The following FAM47E variants were observed in gnomAD, a reference collection of about 807,000 sequenced individuals.
FAM47E encodes protein FAM47E.
FAM47E carries 32 observed loss-of-function variants against 41.6 expected under a neutral mutation model. That is an observed-to-expected ratio of 0.77 (90% CI 0.58 to 1.03). The LOEUF (loss-of-function observed/expected upper bound fraction) is 1.03, where lower values mean the gene tolerates loss of function less well. FAM47E is among the 50% of genes least tolerant of loss of function. The pLI is 0.00. For synonymous variants in FAM47E, 184 were observed against 188.7 expected, an observed-to-expected ratio of 0.98 and a Z score of 0.20; for missense variants, 424 against 485.4, an observed-to-expected ratio of 0.87 and a Z score of 1.19.
At chr4:76,227,699 G>T (rs1047686917) in intron 2 of FAM47E, among the ~76,000 whole-genome samples, 2 of 151,960 alleles carry the variant, frequency 1.3e-5, no homozygotes, top group African/African-American at 4.8e-5. Context: ...TATAAATTTG[G>T]GAGCTCCAGT....
At chr4:76,251,897 G>A (rs1434462019) in intron 1 of FAM47E, 77 bp downstream of exon 1, 1 of 1,352,042 alleles carries the variant, frequency 7.4e-7, no homozygotes, top group Non-Finnish European at 9.4e-7. Flanking sequence ...GCGCTTGCTG[G>A]GGCGGGGGCG....
At position 76,283,565 on chromosome 4, in the gene FAM47E, G is replaced by C; in HGVS notation, c.*107G>C. ...AGTTTATGATGAGTGTCCCACTGTG[G>C]ATGTTCAACTTTGACTTGGCAACAT... On this transcript the variant is annotated 3_prime_UTR_variant, in exon 8 of 8. Transcript: ENST00000424749. 1.5e-6 allele frequency: 1 copy of C among 675,894 alleles called. No individual in the cohort carries two copies. The highest frequency in any genetic ancestry group is 2.6e-6 in the Non-Finnish European group (1 of 390,686). 41.9% of individuals were successfully genotyped at this position (675,894 alleles called of 1,614,324 possible).
chr4:76,249,604 TC>T (rs1421264950), upstream of FAM47E, among the ~76,000 whole-genome samples: 2 of 152,068 alleles, frequency 1.3e-5, no homozygotes, highest in East Asian at 1.9e-4. Flanking sequence ...GAGTAAGTTC[TC>T]CAGTGGCAAT....
chr4:76,271,517 A>C, intron 4 of FAM47E, 51 bp from the exon 5 acceptor site: 2 of 1,542,864 alleles, frequency 1.3e-6, no homozygotes, highest in South Asian at 2.4e-5. Context: ...GAAGAAAGCA[A>C]AGAGCATTTC....
chr4:76,226,622 A>G (rs549412216), intron 2 of FAM47E, among the ~76,000 whole-genome samples: 2 of 152,256 alleles, frequency 1.3e-5, no homozygotes, highest in Admixed American at 1.3e-4. Context: ...GACCCAGGAC[A>G]TGTTCCAAGA....
intron 6 of FAM47E, 177 bp downstream of exon 6, chr4:76,278,401 G>A (rs1040864138): frequency 6.1e-5 from 38 of 618,526 alleles, no homozygotes; most frequent in Non-Finnish European, 8.6e-5. Context: ...TGTGTAATAA[G>A]CAAGACTTGG....
intron 2 of FAM47E, among the ~76,000 whole-genome samples, chr4:76,227,130 G>A (rs183205291): frequency 6.6e-5 from 10 of 152,152 alleles, no homozygotes; most frequent in Non-Finnish European, 1.5e-4. Context: ...GTGTCTATTT[G>A]TGCTCTTTCA....
chr4:76,274,290 G>T (rs1735009766), intron 5 of FAM47E, among the ~76,000 whole-genome samples: 1 of 152,182 alleles, frequency 6.6e-6, no homozygotes, highest in Admixed American at 6.5e-5. Context: ...GATTTGTTGG[G>T]GTTGGGTGTG....
chr4:76,257,190 CT>C (rs1734229461), intron 2 of FAM47E, among the ~76,000 whole-genome samples: 1 of 152,122 alleles, frequency 6.6e-6, no homozygotes, highest in African/African-American at 2.4e-5. Flanking sequence ...CTGACTCTGT[CT>C]TTTAATTAGG....
At chr4:76,220,239 C>T (rs1288386807) in intron 2 of FAM47E, among the ~76,000 whole-genome samples, 1 of 152,114 alleles carries the variant, frequency 6.6e-6, no homozygotes, top group Admixed American at 6.5e-5. Context: ...TCACAATAGT[C>T]AAAAGGTGGA....
intron 2 of FAM47E, among the ~76,000 whole-genome samples, chr4:76,245,899 G>T (rs1733816379): frequency 6.6e-6 from 1 of 152,140 alleles, no homozygotes; most frequent in South Asian, 2.1e-4. Context: ...CTGAGGGCAG[G>T]AACCTTGTCA....
At chr4:76,214,439 TGGG>T (rs1733160327) in intron 1 of FAM47E, 1 of 395,680 alleles carries the variant, frequency 2.5e-6, no homozygotes, top group Non-Finnish European at 5.1e-6. Context: ...GCAAAGGCAT[TGGG>T]GGTGAAAGAG....
intron 2 of FAM47E, among the ~76,000 whole-genome samples, chr4:76,231,527 AAAACAAAC>A (rs58077932): frequency 6.6e-6 from 1 of 151,780 alleles, no homozygotes; most frequent in Admixed American, 6.6e-5. Context: ...ATTTTTGTTA[AAAACAAAC>A]AAACAAACAA....
chr4:76,265,673 C>A (rs1203544528), intron 3 of FAM47E, among the ~76,000 whole-genome samples: 1 of 151,962 alleles, frequency 6.6e-6, no homozygotes, highest in East Asian at 1.9e-4. Flanking sequence ...CAGGTTGAGG[C>A]CCCTAGATTG....
intron 7 of FAM47E, chr4:76,282,333 G>T (rs1307516823): frequency 6.6e-6 from 1 of 152,120 alleles, no homozygotes; most frequent in Admixed American, 6.6e-5. Context: ...GTGGCAAGAT[G>T]AGGGCATTTA....
At chr4:76,228,090 C>CT (rs71659315) in intron 2 of FAM47E, among the ~76,000 whole-genome samples, 88,557 of 150,090 alleles carry the variant, frequency 0.59, 27,647 homozygotes, top group Non-Finnish European at 0.71. Context: ...GCCTGAATAC[C>CT]TTTTTTTTTC....
intron 2 of FAM47E, among the ~76,000 whole-genome samples, chr4:76,225,691 A>T (rs533558794): frequency 2.6e-5 from 4 of 152,342 alleles, no homozygotes; most frequent in Non-Finnish European, 5.9e-5. Context: ...TATCACACTT[A>T]TTGACTTGCG....
chr4:76,233,602 A>G (rs949357351), intron 2 of FAM47E, among the ~76,000 whole-genome samples: 1 of 151,954 alleles, frequency 6.6e-6, no homozygotes, highest in African/African-American at 2.4e-5. Context: ...ACACACACAC[A>G]CATATGTAAC....
At chr4:76,256,008 T>C (rs1353894670) in intron 1 of FAM47E, among the ~76,000 whole-genome samples, 170 bp from the exon 2 acceptor site, 1 of 152,068 alleles carries the variant, frequency 6.6e-6, no homozygotes. Flanking sequence ...TGCTATGAAC[T>C]AGGAATATGA....
Sources: gnomAD v4.1 joint callset for allele counts (sites outside exome capture counted in the v4.1 genomes callset) on GRCh38, gnomAD v4.1.1 for gene constraint, MANE v1.5 for transcripts, NCBI Gene and HGNC (gene_info 2026-07-23, HGNC 2026-07-21) for gene names.